Variants in GSDME observed in about 807,000 individuals in gnomAD.
GSDME encodes the protein gasdermin E, also known as gasdermin-E.
GSDME carries 44 observed loss-of-function variants against 47.5 expected under a neutral mutation model. That is an observed-to-expected ratio of 0.93 (90% CI 0.73 to 1.19). The LOEUF (loss-of-function observed/expected upper bound fraction) is 1.19, where lower values mean the gene tolerates loss of function less well. Among genes scored for constraint, GSDME ranks in the 50% most tolerant of loss-of-function variants. The probability of loss-of-function intolerance (pLI) is 0.00; values close to 1 mark genes in which losing one functional copy is unlikely to be tolerated. For missense variants in GSDME, 663 were observed against 604.2 expected, an observed-to-expected ratio of 1.10 and a Z score of -1.02; for synonymous variants, 258 against 252.8, an observed-to-expected ratio of 1.02 and a Z score of -0.20.
chr7:24,730,489 T>G (rs1790108377), intron 3 of GSDME, among the ~76,000 whole-genome samples: 1 of 152,202 alleles, frequency 6.6e-6, no homozygotes, highest in Admixed American at 6.5e-5. Flanking sequence ...ACTTAAATCC[T>G]ACCTAGTTCC....
At chr7:24,768,421 G>A in the GSDME span, among the ~76,000 whole-genome samples, 4,941 of 152,226 alleles carry the variant, frequency 0.032, 295 homozygotes, top group African/African-American at 0.11. The surrounding 1 kb of genome is among the most constrained non-coding windows in gnomAD (Gnocchi z 5.6). Context: ...GAGACCAGAC[G>A]GGGGAACAGC....
At chr7:24,762,682 A>G (rs940013692), upstream of GSDME, among the ~76,000 whole-genome samples, 1 of 152,180 alleles carries the variant, frequency 6.6e-6, no homozygotes, top group Admixed American at 6.5e-5. Flanking sequence ...AAAGGCAGAC[A>G]GATAAACAAT....
the GSDME span, among the ~76,000 whole-genome samples, chr7:24,780,921 CCTAACTCACCCAGGA>C: frequency 1.3e-5 from 2 of 152,306 alleles, no homozygotes; most frequent in African/African-American, 4.8e-5. The surrounding 1 kb of genome is among the most constrained non-coding windows in gnomAD (Gnocchi z 4.1). Context: ...CCTCAGAAGG[CCTAACTCACCCAGGA>C]CTCTGCATTT....
intron 3 of GSDME, among the ~76,000 whole-genome samples, chr7:24,723,669 G>A (rs985397737): frequency 2.6e-5 from 4 of 152,196 alleles, no homozygotes; most frequent in African/African-American, 9.6e-5. Flanking sequence ...CAGCTGTGAA[G>A]CCCAGGTCTT....
At chr7:24,775,917 C>T in the GSDME span, among the ~76,000 whole-genome samples, 2 of 146,240 alleles carry the variant, frequency 1.4e-5, no homozygotes, top group African/African-American at 2.5e-5. Context: ...CAGTGGCTCA[C>T]GCCTGTAATC....
At chr7:24,729,547 G>A (rs1790075552) in intron 3 of GSDME, among the ~76,000 whole-genome samples, 1 of 152,208 alleles carries the variant, frequency 6.6e-6, no homozygotes, top group African/African-American at 2.4e-5. Flanking sequence ...TGAAGGAAGT[G>A]GGGTCTAACC....
intron 8 of GSDME, chr7:24,703,268 C>T (rs567367245): frequency 1.3e-4 from 43 of 329,048 alleles, no homozygotes; most frequent in African/African-American, 8.4e-4. Context: ...TTGCATATGT[C>T]AGAATACTGT....
At chr7:24,759,737 C>A (rs535980462), upstream of GSDME, among the ~76,000 whole-genome samples, 1 of 152,180 alleles carries the variant, frequency 6.6e-6, no homozygotes, top group African/African-American at 2.4e-5. Flanking sequence ...GGGGTCCCCC[C>A]ACCCAAGCAG....
At position 24,732,454 on chromosome 7, in the gene GSDME, C is replaced by T. The variant is rs1790175917; in HGVS notation, c.404+12108G>A. The stretch of plus-strand genomic sequence containing the variant: ...CAACAACTATCTATATAAAAAAGCA[C>T]CTTCATCAGAACCAAAAATCAGGTG... On this transcript the variant is annotated intron_variant, in intron 3 of 9. Transcript: ENST00000645220. The surrounding 1 kb of genome is among the most constrained non-coding windows in gnomAD (Gnocchi z 4.8). Among the ~76,000 whole-genome samples, 1 of 152,234 alleles carries T rather than the reference C, an allele frequency of 6.6e-6. No individual in the cohort carries two copies. The highest frequency in any genetic ancestry group is 6.5e-5 in the Admixed American group (1 of 15,280).
In GSDME at chr7:24,744,260, T is replaced by C; in HGVS notation, c.404+302A>G. On this transcript the variant is annotated intron_variant, in intron 3 of 9. Coordinates refer to ENST00000645220, the MANE Select transcript of GSDME (RefSeq NM_001127453.2). The surrounding 1 kb of genome is among the most constrained non-coding windows in gnomAD (Gnocchi z 4.5). The stretch of plus-strand genomic sequence containing the variant: ...GGCTTCTAAAGTTAATATTCAAAAA[T>C]GCAGGACAGAGCATTTTTACCGTTC... The C allele has an allele frequency of 2.4e-6, 1 of 408,402 alleles. No homozygotes were observed. Among genetic ancestry groups the C allele is most frequent in the Admixed American group, 3.8e-5 (1 of 26,636 alleles). 25.3% of individuals were successfully genotyped at this position (408,402 alleles called of 1,614,324 possible). A position where few individuals can be genotyped will look rare whatever the true frequency, so the allele number is the denominator to read the frequency against.
intron 1 of GSDME, among the ~76,000 whole-genome samples, chr7:24,750,500 CT>C (rs1371368791): frequency 6.6e-6 from 1 of 152,156 alleles, no homozygotes; most frequent in Non-Finnish European, 1.5e-5. Flanking sequence ...GTAGTCCCAG[CT>C]ACTTGGGAGG....
the GSDME span, among the ~76,000 whole-genome samples, chr7:24,767,185 G>A: frequency 4.6e-5 from 7 of 152,058 alleles, no homozygotes; most frequent in Non-Finnish European, 1.0e-4. This position sits in a 1 kb window ranked among gnomAD's most constrained non-coding sequence, Gnocchi z 5.3. Flanking sequence ...TTAGCCAGGC[G>A]TGGTGGTGGG....
chr7:24,702,860 A>G (rs764554350), intron 8 of GSDME, 27 bp from the exon 9 acceptor site: 3 of 1,606,388 alleles, frequency 1.9e-6, no homozygotes, highest in East Asian at 2.2e-5. Flanking sequence ...TCACAGTCAC[A>G]GTCCAAAAAA....
chr7:24,734,128 T>C (rs1275890207), intron 3 of GSDME, among the ~76,000 whole-genome samples: 1 of 152,226 alleles, frequency 6.6e-6, no homozygotes, highest in African/African-American at 2.4e-5. Flanking sequence ...AACAAGAGTC[T>C]CTGCCTGTGA....
chr7:24,709,920 T>C (rs1173723236), intron 6 of GSDME, among the ~76,000 whole-genome samples: 1 of 152,208 alleles, frequency 6.6e-6, no homozygotes, highest in African/African-American at 2.4e-5. Flanking sequence ...AGGGCTTCTG[T>C]GCTTACAATG....
chr7:24,786,160 G>A, the GSDME span, among the ~76,000 whole-genome samples: 4 of 152,168 alleles, frequency 2.6e-5, no homozygotes, highest in Admixed American at 2.6e-4. This position sits in a 1 kb window ranked among gnomAD's most constrained non-coding sequence, Gnocchi z 5.5. Flanking sequence ...GGGCACGTGA[G>A]ATTTGCAGAG....
chr7:24,718,757 G>A (rs1390049373), intron 4 of GSDME, among the ~76,000 whole-genome samples: 1 of 152,158 alleles, frequency 6.6e-6, no homozygotes. Context: ...AGCAAGCCTG[G>A]AGCTGCCAGC....
rs1042420946 is a variant in GSDME at position 24,756,946 on chromosome 7, C to T, written c.-20+450G>A. On this transcript the variant is annotated intron_variant, in intron 1 of 9. Coordinates refer to ENST00000645220, the MANE Select transcript of GSDME (RefSeq NM_001127453.2). This position sits in a 1 kb window ranked among gnomAD's most constrained non-coding sequence, Gnocchi z 4.2. ...TCCGTATCTGTTCCGCGGTCCGCCT[C>T]CCTGCACACACGCCCCCGAGCCGGG... Among the ~76,000 whole-genome samples, 1 of 152,160 alleles carries T rather than the reference C, an allele frequency of 6.6e-6. No individual in the cohort carries two copies. The highest frequency in any genetic ancestry group is 1.5e-5 in the Non-Finnish European group (1 of 68,030).
At chr7:24,762,052 G>C (rs747706327), upstream of GSDME, among the ~76,000 whole-genome samples, 1 of 151,970 alleles carries the variant, frequency 6.6e-6, no homozygotes, top group Non-Finnish European at 1.5e-5. Flanking sequence ...CCAGGAGTTA[G>C]AGAGCAGCCT....
Sources: allele counts gnomAD v4.1 joint callset (sites outside exome capture counted in the v4.1 genomes callset), GRCh38; gene constraint gnomAD v4.1.1; non-coding constraint Gnocchi (gnomAD v3.1); transcripts MANE v1.5; gene names NCBI Gene and HGNC (gene_info 2026-07-23, HGNC 2026-07-21).